IPP: variants seen among roughly 807,000 people sequenced by gnomAD.
The protein encoded by IPP is intracisternal A particle-promoted polypeptide, also known as actin-binding protein IPP.
Under a neutral mutation model 64.1 loss-of-function variants are expected in IPP, and 41 were observed. The observed-to-expected ratio is 0.64, with a 90% CI of 0.50 to 0.83. The LOEUF is 0.83. Among genes scored for constraint, IPP ranks in the 40% least tolerant of loss-of-function variants. IPP has a pLI of 0.00. For missense variants in IPP, 649 were observed against 703.0 expected, an observed-to-expected ratio of 0.92 and a Z score of 0.87; for synonymous variants, 214 against 235.2, an observed-to-expected ratio of 0.91 and a Z score of 0.83.
chr1:45,696,090 T>G (rs1569931521), downstream of IPP, among the ~76,000 whole-genome samples: 1 of 152,350 alleles, frequency 6.6e-6, no homozygotes, highest in East Asian at 1.9e-4. Flanking sequence ...ATTTAAGACT[T>G]TTCCATAATC....
intron 2 of IPP, among the ~76,000 whole-genome samples, chr1:45,743,990 C>G (rs1646100944): frequency 6.6e-6 from 1 of 150,884 alleles, no homozygotes; most frequent in Non-Finnish European, 1.5e-5. Context: ...ATACTCCAGC[C>G]TGGGCGACAA....
chr1:45,706,934 C>G (rs1181783490), intron 8 of IPP, among the ~76,000 whole-genome samples: 1 of 152,170 alleles, frequency 6.6e-6, no homozygotes, highest in Non-Finnish European at 1.5e-5. Context: ...AAAAATGTTA[C>G]TCAAACCAGG....
At chr1:45,725,690 G>A (rs976468119) in intron 5 of IPP, among the ~76,000 whole-genome samples, 1 of 133,552 alleles carries the variant, frequency 7.5e-6, no homozygotes, top group African/African-American at 2.8e-5. Context: ...GATGGTTGCC[G>A]GGTCTGTGTG....
Position 45,699,265 on chromosome 1 carries a change from T to C in IPP, c.*701A>G. ...CTGCCAATAAAAAGTTTGGGGCTAGTGAAAACTCTTGGCATTAAATAAAAG... is the reference window on the plus strand; with the variant it reads ...CTGCCAATAAAAAGTTTGGGGCTAGCGAAAACTCTTGGCATTAAATAAAAG... On this transcript the variant is annotated 3_prime_UTR_variant, in exon 9 of 9. Transcript: ENST00000396478. 1 of 985,410 alleles carries C rather than the reference T, an allele frequency of 1.0e-6. No individual in the cohort carries two copies. The highest frequency in any genetic ancestry group is 1.2e-6 in the Non-Finnish European group (1 of 829,904). The allele number at this position is 985,410 out of a possible 1,614,324, so 61.0% of individuals were successfully genotyped here.
intron 3 of IPP, among the ~76,000 whole-genome samples, chr1:45,731,530 G>C (rs1043304763): frequency 8.5e-5 from 13 of 152,348 alleles, no homozygotes; most frequent in African/African-American, 2.9e-4. Context: ...TAGGTAGAAA[G>C]AGTGCCAAGG....
At chr1:45,707,284 G>A (rs796989720) in intron 8 of IPP, among the ~76,000 whole-genome samples, 13 of 152,080 alleles carry the variant, frequency 8.5e-5, no homozygotes, top group African/African-American at 2.9e-4. Context: ...TTAGCCAGGC[G>A]TGGTGGTGGG....
chr1:45,705,531 C>T (rs554538402), intron 8 of IPP, among the ~76,000 whole-genome samples: 28 of 152,250 alleles, frequency 1.8e-4, no homozygotes, highest in African/African-American at 5.8e-4. Flanking sequence ...AGGCCAGGTG[C>T]GGTGATGGCT....
chr1:45,741,390 T>C, intron 2 of IPP, 58 bp from the exon 3 acceptor site: 5 of 1,195,584 alleles, frequency 4.2e-6, no homozygotes, highest in Non-Finnish European at 6.0e-6. Context: ...TGGCTTACCA[T>C]ATTCAAAAAG....
Position 45,727,685 on chromosome 1 carries a change from C to T in IPP, c.994G>A (p.Ala332Thr). Residue 332 changes from alanine to threonine, a missense_variant, in exon 5 of 9, where the codon GCT (alanine) becomes ACT (threonine). By Grantham distance (58) the Ala-to-Thr change is moderately conservative. Transcript: ENST00000396478. ...YWTTVSSLHQARSGLGVTVLG... is the reference protein window; with the variant it reads ...YWTTVSSLHQTRSGLGVTVLG... ...ACTGTTACTCCCAGCCCACTTCGAG[C>T]CTGATGAAGTGAAGACACAGTGGTC... is the stretch of plus-strand genomic sequence containing the variant. 1 of 1,594,878 alleles carries T rather than the reference C, an allele frequency of 6.3e-7. No individual in the cohort carries two copies. Among genetic ancestry groups the T allele is most frequent in the Non-Finnish European group, 8.6e-7 (1 of 1,165,768 alleles).
intron 7 of IPP, among the ~76,000 whole-genome samples, chr1:45,715,795 G>C (rs966394480): frequency 2.0e-5 from 3 of 152,136 alleles, no homozygotes; most frequent in African/African-American, 7.2e-5. Flanking sequence ...ACATAGATAA[G>C]TTCAAAGATC....
chr1:45,703,701 A>T (rs1198294949), intron 8 of IPP, among the ~76,000 whole-genome samples: 1 of 152,188 alleles, frequency 6.6e-6, no homozygotes. Flanking sequence ...ATTCCTATTA[A>T]CAGTGCAAAA....
At chr1:45,723,483 C>G (rs1476967817) in intron 5 of IPP, among the ~76,000 whole-genome samples, 1 of 152,092 alleles carries the variant, frequency 6.6e-6, no homozygotes, top group East Asian at 1.9e-4. Flanking sequence ...GGACCTCTGA[C>G]CCTAGGTTAA....
intron 3 of IPP, among the ~76,000 whole-genome samples, chr1:45,731,703 A>AG (rs1448773068): frequency 1.3e-5 from 2 of 151,810 alleles, no homozygotes; most frequent in African/African-American, 4.8e-5. Context: ...TGGGAGGCCG[A>AG]GGGGGGTGAA....
chr1:45,695,913 C>G (rs12063365), downstream of IPP, among the ~76,000 whole-genome samples: 2,251 of 152,318 alleles, frequency 0.015, 30 homozygotes, highest in African/African-American at 0.027. Context: ...AGGTGACCCA[C>G]CCACCTTGGC....
chr1:45,721,034 A>G (rs746648528), intron 5 of IPP, among the ~76,000 whole-genome samples: 2 of 152,218 alleles, frequency 1.3e-5, no homozygotes, highest in Non-Finnish European at 2.9e-5. Flanking sequence ...AGGATACCAT[A>G]AAGAGAATAA....
chr1:45,744,508 G>A lies in IPP; in HGVS notation c.292+1612C>T, dbSNP rs533916136. Among the ~76,000 whole-genome samples, 7 of 151,976 alleles carry A rather than the reference G, an allele frequency of 4.6e-5. No individual in the cohort carries two copies. The East Asian group carries it at 1.4e-3, about 29-fold the overall frequency. ...TCCCACATCAGCCTCCCGTTAGCTGGGACTAAAGACACAAGCCACACACCC... is the reference window on the plus strand; with the variant it reads ...TCCCACATCAGCCTCCCGTTAGCTGAGACTAAAGACACAAGCCACACACCC... On this transcript the variant is annotated intron_variant, in intron 2 of 8. Coordinates refer to ENST00000396478, the MANE Select transcript of IPP (RefSeq NM_005897.3).
At chr1:45,703,447 A>C (rs1182152527) in intron 8 of IPP, among the ~76,000 whole-genome samples, 3 of 7,238 alleles carry the variant, frequency 4.1e-4, no homozygotes, top group Middle Eastern at 0.033. Flanking sequence ...AATTCAAATA[A>C]GACTAAACCT....
rs1569937676 is a variant in IPP at position 45,699,767 on chromosome 1, A to G, written c.*199T>C. On this transcript the variant is annotated 3_prime_UTR_variant, in exon 9 of 9. Coordinates refer to ENST00000396478, the MANE Select transcript of IPP (RefSeq NM_005897.3). Reference sequence around the variant, plus strand: ...AACCTCAAATTCCTGGGCTCAAGTGATCCTTCTGCCTCAGCCTTCCAAAGT... The same window carrying G: ...AACCTCAAATTCCTGGGCTCAAGTGGTCCTTCTGCCTCAGCCTTCCAAAGT... The G allele has an allele frequency of 4.4e-6, 6 of 1,350,384 alleles. No homozygotes were observed. The East Asian group carries it at 1.6e-4, about 35-fold the overall frequency. The allele number at this position is 1,350,384 out of a possible 1,614,324, so 83.7% of individuals were successfully genotyped here.
intron 1 of IPP, among the ~76,000 whole-genome samples, chr1:45,749,117 GTGGT>G (rs1205683134): frequency 2.0e-5 from 3 of 152,180 alleles, no homozygotes; most frequent in Non-Finnish European, 4.4e-5. Context: ...TTGAACCCTA[GTGGT>G]TTAATTACAA....
Sources: allele counts gnomAD v4.1 joint callset (sites outside exome capture counted in the v4.1 genomes callset), GRCh38; gene constraint gnomAD v4.1.1; transcripts MANE v1.5; gene names NCBI Gene and HGNC (gene_info 2026-07-23, HGNC 2026-07-21).